Variants in ZMYND8 observed in about 807,000 individuals in gnomAD.
ZMYND8 encodes MYND-type zinc finger-containing chromatin reader ZMYND8.
A neutral mutation model predicts 140.8 loss-of-function variants in ZMYND8; 37 were observed. The ratio of observed to expected loss-of-function variants is 0.26; its 90% CI spans 0.20 to 0.35. The LOEUF is 0.35. Among genes scored for constraint, ZMYND8 ranks in the 10% least tolerant of loss-of-function variants. ZMYND8 has a pLI of 1.00. For synonymous variants in ZMYND8, 592 were observed against 597.1 expected, an observed-to-expected ratio of 0.99 and a Z score of 0.12; for missense variants, 1,068 against 1,570.0, an observed-to-expected ratio of 0.68 and a Z score of 5.40.
chr20:47,315,722 GACAA>G (rs573486627), intron 2 of ZMYND8, among the ~76,000 whole-genome samples: 2 of 152,286 alleles, frequency 1.3e-5, no homozygotes, highest in East Asian at 3.9e-4. Context: ...TTTGAACAAT[GACAA>G]ACAGCCACTG....
chr20:47,270,393 G>GTT lies in ZMYND8; in HGVS notation c.1480+5919_1480+5920dup, dbSNP rs11416203. 7.5e-5 allele frequency among the ~76,000 whole-genome samples: 10 copies of GTT among 133,748 alleles called. No individual in the cohort carries two copies. The South Asian group carries it at 1.8e-3, about 24-fold the overall frequency. The allele number at this position is 133,748 out of a possible 152,430, so 87.7% of individuals were successfully genotyped here. On this transcript the variant is annotated intron_variant, in intron 11 of 22. Coordinates refer to ENST00000471951, the MANE Select transcript of ZMYND8 (RefSeq NM_001281775.3). ...CATCTCAAAAAAAAAAAAAAAAAAAGTTTTTTTAATGTATAAAAATAAAAA... is the reference window on the plus strand; with the variant it reads ...CATCTCAAAAAAAAAAAAAAAAAAAGTTTTTTTTTAATGTATAAAAATAAAAA...
chr20:47,303,901 C>A (rs1334508068), intron 3 of ZMYND8, among the ~76,000 whole-genome samples: 2 of 152,208 alleles, frequency 1.3e-5, no homozygotes, highest in African/African-American at 2.4e-5. Flanking sequence ...GCTCTGTACT[C>A]TTTTCAGAAG....
intron 5 of ZMYND8, 57 bp downstream of exon 5, chr20:47,294,609 C>T: frequency 6.5e-7 from 1 of 1,544,102 alleles, no homozygotes; most frequent in Non-Finnish European, 8.9e-7. Flanking sequence ...ATTAACAGAA[C>T]AAAACATATG....
intron 7 of ZMYND8, among the ~76,000 whole-genome samples, chr20:47,289,621 A>C (rs2077132628): frequency 6.6e-6 from 1 of 151,788 alleles, no homozygotes; most frequent in Admixed American, 6.6e-5. Context: ...TGAAAAAAAA[A>C]AATCAGCAAC....
intron 2 of ZMYND8, among the ~76,000 whole-genome samples, chr20:47,311,164 C>G (rs547879093): frequency 2.6e-5 from 4 of 152,254 alleles, no homozygotes; most frequent in South Asian, 2.1e-4. Flanking sequence ...CCCCACCCAC[C>G]GGGAAGTTCC....
intron 14 of ZMYND8, among the ~76,000 whole-genome samples, chr20:47,242,705 C>T (rs1354525456): frequency 6.6e-6 from 1 of 152,150 alleles, no homozygotes; most frequent in East Asian, 1.9e-4. Flanking sequence ...GGCTCTCTGC[C>T]AAATAAAGAA....
rs575458578 is a variant in ZMYND8, at chr20:47,335,514, G to A, written c.85+12342C>T. ...TATCAATAGAGAACAATGAAGGAATGACGACTTTAATAAGGCAATAAAAAG... is the reference window on the plus strand; with the variant it reads ...TATCAATAGAGAACAATGAAGGAATAACGACTTTAATAAGGCAATAAAAAG... On this transcript the variant is annotated intron_variant, in intron 2 of 22. Transcript: ENST00000471951. 7.9e-5 allele frequency among the ~76,000 whole-genome samples: 12 copies of A among 151,876 alleles called. No individual in the cohort carries two copies. The South Asian group carries it at 1.0e-3, about 13-fold the overall frequency.
At chr20:47,245,474 G>A (rs1018270363) in intron 14 of ZMYND8, among the ~76,000 whole-genome samples, 1 of 152,160 alleles carries the variant, frequency 6.6e-6, no homozygotes, top group Non-Finnish European at 1.5e-5. Flanking sequence ...TTGAACTCCT[G>A]ACCTCAAATG....
At chr20:47,314,461 T>C (rs1175440442) in intron 2 of ZMYND8, among the ~76,000 whole-genome samples, 2 of 152,294 alleles carry the variant, frequency 1.3e-5, no homozygotes, top group Non-Finnish European at 1.5e-5. Flanking sequence ...ATTGCACCAC[T>C]GCACTCCAGC....
At chr20:47,255,724 A>G (rs200593164) in intron 12 of ZMYND8, among the ~76,000 whole-genome samples, 2,441 of 8,536 alleles carry the variant, frequency 0.29, 175 homozygotes, top group African/African-American at 0.47. Context: ...GTATGTGTGT[A>G]TATATATATA....
intron 11 of ZMYND8, among the ~76,000 whole-genome samples, chr20:47,271,402 A>C (rs1439512688): frequency 2.6e-5 from 4 of 152,190 alleles, no homozygotes; most frequent in African/African-American, 9.7e-5. Context: ...TCTAGCATGC[A>C]CTATGTATCA....
At chr20:47,330,591 C>T (rs1359493560) in intron 2 of ZMYND8, among the ~76,000 whole-genome samples, 2 of 152,122 alleles carry the variant, frequency 1.3e-5, no homozygotes, top group African/African-American at 2.4e-5. Context: ...AGAAGTTATA[C>T]TAATATGTCA....
chr20:47,346,394 G>C (rs1034609262), intron 2 of ZMYND8, among the ~76,000 whole-genome samples: 1 of 152,136 alleles, frequency 6.6e-6, no homozygotes, highest in Non-Finnish European at 1.5e-5. Flanking sequence ...CCCAGCACAG[G>C]CTGGGTCATG....
chr20:47,211,105 C>T (rs978523124), intron 22 of ZMYND8, among the ~76,000 whole-genome samples: 4 of 151,974 alleles, frequency 2.6e-5, no homozygotes, highest in Admixed American at 1.3e-4. Context: ...TAACGACAAC[C>T]GGTTGAAAAA....
At chr20:47,212,573 A>G in intron 22 of ZMYND8, 69 bp downstream of exon 22, 18 of 1,545,406 alleles carry the variant, frequency 1.2e-5, no homozygotes, top group Non-Finnish European at 1.6e-5. Flanking sequence ...ACACGGACAC[A>G]CACAGAACAA....
chr20:47,322,584 G>A (rs925611398), intron 2 of ZMYND8, among the ~76,000 whole-genome samples: 5 of 151,684 alleles, frequency 3.3e-5, no homozygotes, highest in African/African-American at 1.2e-4. Flanking sequence ...GGGACTACAG[G>A]CACGTACCAC....
chr20:47,224,237 T>G, intron 19 of ZMYND8, 80 bp downstream of exon 19: 1 of 1,579,904 alleles, frequency 6.3e-7, no homozygotes, highest in Non-Finnish European at 8.6e-7. Flanking sequence ...CAATTAGCCC[T>G]GAGACCCCTG....
intron 12 of ZMYND8, among the ~76,000 whole-genome samples, chr20:47,257,645 CATAT>C (rs1265076931): frequency 2.0e-5 from 3 of 152,044 alleles, no homozygotes; most frequent in African/African-American, 7.2e-5. Flanking sequence ...TACACACATA[CATAT>C]ACTCATACCA....
At chr20:47,241,995 T>C (rs1461202415) in intron 14 of ZMYND8, among the ~76,000 whole-genome samples, 1 of 151,964 alleles carries the variant, frequency 6.6e-6, no homozygotes, top group Non-Finnish European at 1.5e-5. Flanking sequence ...TTTTTTGTAT[T>C]CTCAGTAGAG....
Sources: allele counts gnomAD v4.1 joint callset (sites outside exome capture counted in the v4.1 genomes callset), GRCh38; gene constraint gnomAD v4.1.1; transcripts MANE v1.5; gene names NCBI Gene and HGNC (gene_info 2026-07-23, HGNC 2026-07-21).